Variants in SLC20A2 observed in about 807,000 individuals in gnomAD.
SLC20A2 encodes the protein solute carrier family 20 member 2, also known as sodium-dependent phosphate transporter 2.
In SLC20A2, 30 loss-of-function variants were observed where a neutral mutation model predicts 61.0. The observed-to-expected ratio is 0.49, with a 90% confidence interval of 0.37 to 0.67. The LOEUF (loss-of-function observed/expected upper bound fraction) is 0.67, where lower values mean the gene tolerates loss of function less well. Ranked by LOEUF, SLC20A2 falls within the 30% of genes least tolerant of loss-of-function variation. The pLI, the probability that SLC20A2 is intolerant of heterozygous loss-of-function variation, is 0.00. For missense variants in SLC20A2, 626 were observed against 866.4 expected (o/e 0.72, Z 3.48); for synonymous variants, 351 against 353.3 (o/e 0.99, Z 0.07).
At chr8:42,491,273 G>C (rs1809489399) in intron 1 of SLC20A2, among the ~76,000 whole-genome samples, 2 of 152,088 alleles carry the variant, frequency 1.3e-5, no homozygotes, top group Admixed American at 1.3e-4. Context: ...CCAGAAATTT[G>C]GGAGGCTGAG....
intron 1 of SLC20A2, among the ~76,000 whole-genome samples, chr8:42,492,218 T>G (rs1343528670): frequency 6.6e-6 from 1 of 152,074 alleles, no homozygotes; most frequent in Non-Finnish European, 1.5e-5. Flanking sequence ...TAGCTGGGTG[T>G]GGTAGTGGGC....
chr8:42,419,574 T>C (rs554767810), intron 10 of SLC20A2: 1 of 234,500 alleles, frequency 4.3e-6, no homozygotes, highest in Admixed American at 6.5e-5. Context: ...AAAAAATAAA[T>C]AAAATAAAAT....
intron 1 of SLC20A2, chr8:42,541,115 T>C (rs975039942): frequency 2.0e-5 from 3 of 152,250 alleles, no homozygotes; most frequent in African/African-American, 7.2e-5. Context: ...ACATTGCGCC[T>C]GGTGGGACAA....
At chr8:42,498,280 T>G (rs1563526318) in intron 1 of SLC20A2, among the ~76,000 whole-genome samples, 1 of 152,180 alleles carries the variant, frequency 6.6e-6, no homozygotes, top group Non-Finnish European at 1.5e-5. Flanking sequence ...GGGGTCAGTC[T>G]TGTCACTTGT....
rs201469305 is a variant in SLC20A2 at position 42,437,015 on chromosome 8, G to A, written c.1497C>T (p.Ser499=). The A allele has an allele frequency of 3.7e-6, 6 of 1,610,184 alleles. No homozygotes were observed. Among genetic ancestry groups the A allele is most frequent in the Middle Eastern group, 1.7e-4 (1 of 6,032 alleles). The change falls in exon 8 of 11, where the codon TCC becomes TCT. Residue 499 remains serine (S), a synonymous_variant. Transcript: ENST00000520262. This position sits in a 1 kb window ranked among gnomAD's most constrained non-coding sequence, Gnocchi z 6.4. The stretch of plus-strand genomic sequence containing the variant: ...TCACGTCATTGCCGCCGTGAGCAAA[G>A]GACCCGAAACAGGCGGTGAGGACCT... ...FLQVLTACFG[S]FAHGGNDVSN... is the part of the protein sequence containing the mutation.
chr8:42,476,500 A>G (rs1349171372), intron 1 of SLC20A2, among the ~76,000 whole-genome samples: 1 of 152,152 alleles, frequency 6.6e-6, no homozygotes, highest in African/African-American at 2.4e-5. Flanking sequence ...TGAAATTCAC[A>G]CAGGTGAACC....
chr8:42,417,261 T>C lies in SLC20A2; in HGVS notation c.*542A>G, dbSNP rs1056943977. The stretch of plus-strand genomic sequence containing the variant: ...ATCTTCAGTGAAAGCACTTGTGAGC[T>C]CCCGTCCCGCTGTCATCCCACAGCA... On this transcript the variant is annotated 3_prime_UTR_variant, in exon 11 of 11. Coordinates refer to ENST00000520262, the MANE Select transcript of SLC20A2 (RefSeq NM_001257180.2). 1.3e-5 allele frequency: 2 copies of C among 153,760 alleles called. No homozygotes were observed. Among genetic ancestry groups the C allele is most frequent in the African/African-American group, 4.8e-5 (2 of 41,466 alleles). The allele number at this position is 153,760 out of a possible 1,614,324, so 9.5% of individuals were successfully genotyped here. A position where few individuals can be genotyped will look rare whatever the true frequency, so the allele number is the denominator to read the frequency against.
intron 1 of SLC20A2, among the ~76,000 whole-genome samples, chr8:42,496,742 T>A (rs1325355176): frequency 6.6e-6 from 1 of 152,238 alleles, no homozygotes; most frequent in African/African-American, 2.4e-5. Flanking sequence ...TTGGATTCGT[T>A]AGGGCCTTCT....
At position 42,430,374 on chromosome 8, in the gene SLC20A2, T is replaced by G. The variant is rs1191464205; in HGVS notation, c.1524-125A>C. 12 of 868,332 alleles carry G rather than the reference T, an allele frequency of 1.4e-5. No individual in the cohort carries two copies. The South Asian group carries it at 2.1e-4, about 15-fold the overall frequency. 53.8% of individuals were successfully genotyped at this position (868,332 alleles called of 1,614,324 possible). ...CACAGATATGATGTTTTTCTTTCTT[T>G]TTTTTTGAGACAGAGTCTTGCTCTG... On this transcript the variant is annotated intron_variant, in intron 8 of 10. Transcript: ENST00000520262.
chr8:42,507,835 T>C (rs928797601), intron 1 of SLC20A2, among the ~76,000 whole-genome samples: 1 of 152,174 alleles, frequency 6.6e-6, no homozygotes, highest in African/African-American at 2.4e-5. Flanking sequence ...AATAGGAACA[T>C]AAGCAAAGAA....
At chr8:42,444,604 C>T (rs772107653) in intron 6 of SLC20A2, 42 bp downstream of exon 6, 60 of 1,456,932 alleles carry the variant, frequency 4.1e-5, no homozygotes, top group Non-Finnish European at 5.4e-5. Flanking sequence ...TTTTGGGAAT[C>T]GGGAGCATTT....
chr8:42,469,226 C>G (rs923904061), intron 2 of SLC20A2, among the ~76,000 whole-genome samples: 1 of 152,108 alleles, frequency 6.6e-6, no homozygotes, highest in Admixed American at 6.6e-5. Flanking sequence ...ACACCACCAT[C>G]TTAAATTTAT....
intron 6 of SLC20A2, among the ~76,000 whole-genome samples, chr8:42,443,126 TATA>T (rs907935563): frequency 9.4e-5 from 14 of 149,612 alleles, no homozygotes; most frequent in East Asian, 3.9e-4. Context: ...TTACTATAAC[TATA>T]ATAATACAAT....
intron 1 of SLC20A2, among the ~76,000 whole-genome samples, chr8:42,489,577 T>C (rs558425890): frequency 3.9e-5 from 6 of 152,368 alleles, no homozygotes; most frequent in African/African-American, 1.4e-4. Flanking sequence ...CCTGCAGCTG[T>C]CACTTAATTG....
In SLC20A2 at chr8:42,437,322, G is replaced by A; in HGVS notation, c.1190C>T (p.Pro397Leu). The change falls in exon 8 of 11, where the codon CCA becomes CTA. Residue 397 changes from proline to leucine, a missense_variant. Physicochemically the swap from Pro to Leu is moderately conservative, Grantham distance 98. Transcript: ENST00000520262. This position sits in a 1 kb window ranked among gnomAD's most constrained non-coding sequence, Gnocchi z 6.4. ...CGCAGCTCGAAAGGTGGCGTGCACT[G>A]GCAGCCCACAAATGGCTGCGGTGTA... ...TCYTAAICGLPVHATFRAADS... is the reference protein window; with the variant it reads ...TCYTAAICGLLVHATFRAADS... The A allele has an allele frequency of 6.2e-7, 1 of 1,614,172 alleles. No homozygotes were observed. The highest frequency in any genetic ancestry group is 1.1e-5 in the South Asian group (1 of 91,084).
intron 5 of SLC20A2, among the ~76,000 whole-genome samples, chr8:42,455,255 TATAG>T (rs1489318451): frequency 0.026 from 2,555 of 96,842 alleles, 37 homozygotes; most frequent in Non-Finnish European, 0.04. Context: ...TATATATATA[TATAG>T]AGAGAGAGAG....
At chr8:42,462,226 G>T (rs1379952258) in intron 4 of SLC20A2, among the ~76,000 whole-genome samples, 2 of 152,088 alleles carry the variant, frequency 1.3e-5, no homozygotes, top group Non-Finnish European at 2.9e-5. Context: ...ATGTGAATAT[G>T]AGTGTTCCTG....
chr8:42,494,873 G>GTCTT (rs1320679871), intron 1 of SLC20A2, among the ~76,000 whole-genome samples: 1 of 151,850 alleles, frequency 6.6e-6, no homozygotes, highest in Non-Finnish European at 1.5e-5. Context: ...TTGAGATGGG[G>GTCTT]TCTTGCTCTG....
rs1038470910 is a variant in SLC20A2 at position 42,476,864 on chromosome 8, G to A, written c.-264-4210C>T. ...GGCAACGAGCACAAGACCTGCAGTCGGGGACTCTAGGTCCATTCCCGTCCG... is the reference window on the plus strand; with the variant it reads ...GGCAACGAGCACAAGACCTGCAGTCAGGGACTCTAGGTCCATTCCCGTCCG... On this transcript the variant is annotated intron_variant, in intron 1 of 10. Transcript: ENST00000520262. Among the ~76,000 whole-genome samples, 3 of 152,146 alleles carry A rather than the reference G, an allele frequency of 2.0e-5. No homozygotes were observed. In the East Asian group the frequency reaches 5.8e-4, roughly 29 times the overall value.
Sources: gnomAD v4.1 joint callset for allele counts (sites outside exome capture counted in the v4.1 genomes callset) on GRCh38, gnomAD v4.1.1 for gene constraint, Gnocchi (gnomAD v3.1) non-coding constraint, MANE v1.5 for transcripts, NCBI Gene and HGNC (gene_info 2026-07-23, HGNC 2026-07-21) for gene names.